The following WDR7 variants were observed in gnomAD, a reference collection of about 807,000 sequenced individuals.
WDR7 encodes the protein WD repeat-containing protein 7.
WDR7 carries 46 observed loss-of-function variants against 169.4 expected under a neutral mutation model. The observed-to-expected ratio is 0.27, with a 90% CI of 0.21 to 0.35. The LOEUF (loss-of-function observed/expected upper bound fraction) is 0.35. Ranked by LOEUF, WDR7 falls within the 10% of genes least tolerant of loss-of-function variation. The pLI, the probability that WDR7 is intolerant of heterozygous loss-of-function variation, is 1.00. For missense variants in WDR7, 1,534 were observed against 1,859.3 expected (o/e 0.83, Z 3.22); for synonymous variants, 612 against 666.8 (o/e 0.92, Z 1.27).
At chr18:57,036,271 C>T in the WDR7 span, 1 of 152,276 alleles carries the variant, frequency 6.6e-6, no homozygotes, top group Non-Finnish European at 1.5e-5. Context: ...CATTCACTCC[C>T]CCAGGTACTG....
chr18:56,878,120 A>G (rs1391668600), intron 20 of WDR7, among the ~76,000 whole-genome samples: 1 of 152,234 alleles, frequency 6.6e-6, no homozygotes, highest in Non-Finnish European at 1.5e-5. Context: ...AGTGAGGTTA[A>G]GAAAGGAAAT....
At chr18:56,930,600 T>C (rs1183468186) in intron 22 of WDR7, among the ~76,000 whole-genome samples, 1 of 152,194 alleles carries the variant, frequency 6.6e-6, no homozygotes, top group Non-Finnish European at 1.5e-5. Flanking sequence ...GAAATAAAGG[T>C]ACGACATGAC....
At chr18:56,719,420 G>A (rs935656628) in intron 13 of WDR7, among the ~76,000 whole-genome samples, 3 of 151,962 alleles carry the variant, frequency 2.0e-5, no homozygotes, top group Non-Finnish European at 2.9e-5. Context: ...AAATTAGCCG[G>A]GCATGTTGGC....
intron 14 of WDR7, among the ~76,000 whole-genome samples, chr18:56,751,166 G>T (rs1304693942): frequency 6.6e-6 from 1 of 151,988 alleles, no homozygotes; most frequent in African/African-American, 2.4e-5. Context: ...ACACGAAATT[G>T]CATCCCGATA....
chr18:56,924,158 G>GGGTTT (rs1568269209), intron 22 of WDR7, 50 bp downstream of exon 22: 1 of 1,594,392 alleles, frequency 6.3e-7, no homozygotes, highest in Non-Finnish European at 8.5e-7. Flanking sequence ...TTTGTTTTAG[G>GGGTTT]GGTTTTTTTG....
chr18:56,698,258 T>C (rs1424234379), intron 12 of WDR7, among the ~76,000 whole-genome samples: 1 of 152,088 alleles, frequency 6.6e-6, no homozygotes, highest in East Asian at 1.9e-4. Context: ...ATGTTAATTA[T>C]ACATTTTTTT....
chr18:56,815,769 T>C (rs1366994660), intron 19 of WDR7, among the ~76,000 whole-genome samples: 2 of 152,196 alleles, frequency 1.3e-5, no homozygotes, highest in Non-Finnish European at 2.9e-5. Flanking sequence ...AAAAATGTAA[T>C]ACTTCAGCAT....
chr18:56,939,907 CTAAGTA>C (rs1183954096), intron 25 of WDR7, among the ~76,000 whole-genome samples: 1 of 150,938 alleles, frequency 6.6e-6, no homozygotes, highest in Non-Finnish European at 1.5e-5. Context: ...GTTGCATTTG[CTAAGTA>C]TAACTATAAA....
At chr18:56,786,100 T>C (rs1240695640) in intron 19 of WDR7, among the ~76,000 whole-genome samples, 1 of 152,202 alleles carries the variant, frequency 6.6e-6, no homozygotes, top group Non-Finnish European at 1.5e-5. Context: ...TTCTCTTTAT[T>C]GCCACTGCCT....
At chr18:56,916,661 ATC>A (rs2046630963) in intron 21 of WDR7, among the ~76,000 whole-genome samples, 1 of 152,248 alleles carries the variant, frequency 6.6e-6, no homozygotes, top group Non-Finnish European at 1.5e-5. Context: ...CATGATTAAT[ATC>A]TCAGTTGCAT....
intron 26 of WDR7, among the ~76,000 whole-genome samples, chr18:57,014,251 T>C (rs552799968): frequency 7.0e-6 from 1 of 143,346 alleles, no homozygotes; most frequent in South Asian, 2.2e-4. Context: ...ACTTGAACCT[T>C]GGAGGCAGAG....
chr18:56,827,272 G>T (rs1248434286), intron 20 of WDR7, among the ~76,000 whole-genome samples: 1 of 152,128 alleles, frequency 6.6e-6, no homozygotes, highest in East Asian at 1.9e-4. Flanking sequence ...TTTCTCACCT[G>T]AAATATGAGG....
At chr18:56,734,970 T>C (rs2026668070) in intron 14 of WDR7, among the ~76,000 whole-genome samples, 1 of 152,190 alleles carries the variant, frequency 6.6e-6, no homozygotes, top group Admixed American at 6.5e-5. Context: ...ATTAGAATTG[T>C]GTCATAGAAG....
intron 5 of WDR7, among the ~76,000 whole-genome samples, chr18:56,684,390 G>A (rs931271077): frequency 1.3e-5 from 2 of 152,174 alleles, no homozygotes. Flanking sequence ...TATGGTCCAT[G>A]TTTCAACTAC....
intron 21 of WDR7, among the ~76,000 whole-genome samples, chr18:56,905,040 T>C (rs1320398061): frequency 6.6e-6 from 1 of 152,234 alleles, no homozygotes; most frequent in Non-Finnish European, 1.5e-5. Context: ...GGTAGGACTT[T>C]GGTGAAGACA....
intron 20 of WDR7, among the ~76,000 whole-genome samples, chr18:56,867,608 G>A (rs1030168557): frequency 6.6e-6 from 1 of 152,136 alleles, no homozygotes; most frequent in African/African-American, 2.4e-5. Context: ...TTTAAAATTA[G>A]TTTTGGAAAA....
At chr18:56,864,306 T>G (rs575506964) in intron 20 of WDR7, among the ~76,000 whole-genome samples, 2 of 151,578 alleles carry the variant, frequency 1.3e-5, no homozygotes, top group Non-Finnish European at 3.0e-5. Flanking sequence ...TCTGGTTAAA[T>G]GAAATGTTTA....
At chr18:56,707,799 G>GT (rs904685644) in intron 12 of WDR7, among the ~76,000 whole-genome samples, 2 of 152,022 alleles carry the variant, frequency 1.3e-5, no homozygotes, top group African/African-American at 4.8e-5. Context: ...GTTTCTCTGC[G>GT]TTTTTTTGAT....
chr18:56,729,448 G>T (rs1444533375), intron 13 of WDR7, among the ~76,000 whole-genome samples: 1 of 151,980 alleles, frequency 6.6e-6, no homozygotes, highest in Non-Finnish European at 1.5e-5. Context: ...GTATTTTTCT[G>T]TGACTGTAAT....
Sources: gnomAD v4.1 joint callset for allele counts (sites outside exome capture counted in the v4.1 genomes callset) on GRCh38, gnomAD v4.1.1 for gene constraint, MANE v1.5 for transcripts, NCBI Gene and HGNC (gene_info 2026-07-23, HGNC 2026-07-21) for gene names.